The following EYA3 variants were observed in gnomAD, a reference collection of about 807,000 sequenced individuals.
The protein encoded by EYA3 is EYA transcriptional coactivator and phosphatase 3, also known as protein phosphatase EYA3.
A neutral mutation model predicts 80.0 loss-of-function variants in EYA3; 39 were observed. The ratio of observed to expected loss-of-function variants is 0.49; its 90% CI spans 0.38 to 0.64. The LOEUF is 0.64. Ranked by LOEUF, EYA3 falls within the 30% of genes least tolerant of loss-of-function variation. The pLI is 0.00. For synonymous variants in EYA3, 206 were observed against 232.8 expected, an observed-to-expected ratio of 0.88 and a Z score of 1.05; for missense variants, 523 against 676.1, an observed-to-expected ratio of 0.77 and a Z score of 2.51.
At position 27,971,726 on chromosome 1, in the gene EYA3, A is replaced by G. The variant is rs1446049758; in HGVS notation, c.*2740T>C. ...TCTCCCCCTTGATGAATGGACCCAC[A>G]GTGTCCTTTGGTCCTCAGCTTCTAA... On this transcript the variant is annotated 3_prime_UTR_variant, in exon 18 of 18. Coordinates refer to ENST00000373871, the MANE Select transcript of EYA3 (RefSeq NM_001990.4). 6.6e-6 allele frequency: 1 copy of G among 152,010 alleles called. No homozygotes were observed. The highest frequency in any genetic ancestry group is 1.5e-5 in the Non-Finnish European group (1 of 68,026). The allele number at this position is 152,010 out of a possible 1,614,324, so 9.4% of individuals were successfully genotyped here.
intron 7 of EYA3, among the ~76,000 whole-genome samples, chr1:28,023,030 A>G (rs1355688314): frequency 1.3e-5 from 2 of 151,174 alleles, no homozygotes; most frequent in Non-Finnish European, 2.9e-5. Context: ...TAAGTAATAT[A>G]CAAGATGAGC....
rs767484692 is a variant in EYA3, at chr1:27,978,399, C to T, written c.1616G>A (p.Arg539Gln). The T allele has an allele frequency of 4.3e-6, 7 of 1,614,002 alleles. No individual in the cohort carries two copies. The highest frequency in any genetic ancestry group is 5.9e-6 in the Non-Finnish European group (7 of 1,179,914). The change falls in exon 17 of 18, where the codon CGA becomes CAA. Residue 539 changes from arginine to glutamine, a missense_variant. Arg to Gln is a conservative substitution (Grantham distance 43). Coordinates refer to ENST00000373871, the MANE Select transcript of EYA3 (RefSeq NM_001990.4). ...KVTYVVIGDG[R>Q]DEEIAAKQHN... ...CTGTTTGGCTGCAATTTCTTCATCT[C>T]GTCCATCTCCAATCACTACATATGT...
At chr1:27,989,557 C>A in intron 15 of EYA3, 140 bp downstream of exon 15, 1 of 455,180 alleles carries the variant, frequency 2.2e-6, no homozygotes, top group Non-Finnish European at 4.0e-6. Flanking sequence ...TGCTTCTCAC[C>A]TAACACAAAT....
intron 1 of EYA3, among the ~76,000 whole-genome samples, chr1:28,065,113 T>C (rs893447069): frequency 6.6e-6 from 1 of 152,216 alleles, no homozygotes; most frequent in African/African-American, 2.4e-5. Flanking sequence ...ATATAGACTG[T>C]CTTTTTTCCT....
At chr1:28,012,241 A>C (rs530994956) in intron 9 of EYA3, among the ~76,000 whole-genome samples, 5 of 152,352 alleles carry the variant, frequency 3.3e-5, no homozygotes, top group Non-Finnish European at 2.9e-5. Context: ...ACTTTTCTCT[A>C]TGTTTGAAAT....
At chr1:28,061,590 T>C (rs1644626509) in intron 1 of EYA3, among the ~76,000 whole-genome samples, 1 of 137,890 alleles carries the variant, frequency 7.3e-6, no homozygotes, top group Admixed American at 7.2e-5. Flanking sequence ...GAATTTAACG[T>C]GTTTTTTTTT....
rs1054045799 is a variant in EYA3, at chr1:27,983,431, T to C, written c.1541-4957A>G. 1.1e-4 allele frequency among the ~76,000 whole-genome samples: 16 copies of C among 152,328 alleles called. 1 individual carries two copies. The highest frequency in any genetic ancestry group is 4.1e-4 in the South Asian group (2 of 4,832). The stretch of plus-strand genomic sequence containing the variant: ...CAGAGGCAGAGTTCCCATTACATTG[T>C]TAGATTTAAGTTTTTGTCTATCTGA... On this transcript the variant is annotated intron_variant, in intron 16 of 17. Coordinates refer to ENST00000373871, the MANE Select transcript of EYA3 (RefSeq NM_001990.4).
In EYA3 at chr1:28,060,929, G is replaced by A. The variant is rs550179979; in HGVS notation, c.-68-2835C>T. Among the ~76,000 whole-genome samples the A allele has an allele frequency of 4.5e-3, 687 of 152,276 alleles. 2 individuals are homozygous for A. Among genetic ancestry groups the A allele is most frequent in the Non-Finnish European group, 8.1e-3 (549 of 68,000 alleles). ...CTTGGGAGGCTGAGGCAAGAGAATCGCGTGAACCTGGGAGGCGGAGGTTTC... is the reference window on the plus strand; with the variant it reads ...CTTGGGAGGCTGAGGCAAGAGAATCACGTGAACCTGGGAGGCGGAGGTTTC... On this transcript the variant is annotated intron_variant, in intron 1 of 17. Transcript: ENST00000373871.
chr1:27,986,000 GTTTA>G (rs1440893145), intron 16 of EYA3, among the ~76,000 whole-genome samples: 8 of 151,794 alleles, frequency 5.3e-5, no homozygotes, highest in African/African-American at 1.9e-4. Context: ...TGTCCTTGAT[GTTTA>G]TTTTCTTTTT....
At chr1:27,990,848 GC>G (rs1640007623) in intron 14 of EYA3, among the ~76,000 whole-genome samples, 1 of 150,952 alleles carries the variant, frequency 6.6e-6, no homozygotes, top group Non-Finnish European at 1.5e-5. Context: ...ACCGTGCCTG[GC>G]ATTTTTTTTT....
chr1:28,032,595 A>T (rs773449440), intron 6 of EYA3, among the ~76,000 whole-genome samples: 2 of 152,186 alleles, frequency 1.3e-5, no homozygotes, highest in Non-Finnish European at 1.5e-5. Context: ...GGCATATTTT[A>T]TAACTCCCAC....
chr1:28,046,631 A>G (rs1335939834), intron 3 of EYA3, among the ~76,000 whole-genome samples: 1 of 152,154 alleles, frequency 6.6e-6, no homozygotes, highest in African/African-American at 2.4e-5. Context: ...TTTAGATCTT[A>G]TCATGAATAG....
intron 1 of EYA3, among the ~76,000 whole-genome samples, chr1:28,074,732 C>G (rs559096823): frequency 3.9e-5 from 6 of 152,188 alleles, no homozygotes; most frequent in African/African-American, 1.4e-4. Flanking sequence ...ATGTGTGGAC[C>G]ATACTTAAGT....
At chr1:28,033,657 A>G in intron 6 of EYA3, among the ~76,000 whole-genome samples, 1 of 125,864 alleles carries the variant, frequency 7.9e-6, no homozygotes, top group East Asian at 2.4e-4. Flanking sequence ...TATTATTATT[A>G]TTATTATTAT....
chr1:28,013,506 G>A lies in EYA3; in HGVS notation c.586-212C>T, dbSNP rs890548674. ...TAAGTCAAGAGATGTCCCAGGAGCAGTCTTGGAATGAGGAAATGCTGAGAG... is the reference window on the plus strand; with the variant it reads ...TAAGTCAAGAGATGTCCCAGGAGCAATCTTGGAATGAGGAAATGCTGAGAG... On this transcript the variant is annotated intron_variant, in intron 8 of 17. Transcript: ENST00000373871. This position sits in a 1 kb window ranked among gnomAD's most constrained non-coding sequence, Gnocchi z 4.0. 3.3e-5 allele frequency among the ~76,000 whole-genome samples: 5 copies of A among 152,164 alleles called. 1 individual carries two copies. The highest frequency in any genetic ancestry group is 1.9e-4 in the East Asian group (1 of 5,202).
intron 7 of EYA3, among the ~76,000 whole-genome samples, chr1:28,023,995 T>G (rs1334577610): frequency 2.6e-5 from 4 of 152,132 alleles, no homozygotes; most frequent in Admixed American, 6.5e-5. Flanking sequence ...TCTCAACAGT[T>G]TGGGAAGCCG....
At chr1:28,006,205 G>A (rs539140130) in intron 10 of EYA3, among the ~76,000 whole-genome samples, 13 of 151,876 alleles carry the variant, frequency 8.6e-5, no homozygotes, top group African/African-American at 1.5e-4. Context: ...TTAATTAGGA[G>A]TGCAAAAGGC....
intron 17 of EYA3, among the ~76,000 whole-genome samples, chr1:27,975,049 T>G (rs1018859117): frequency 6.6e-6 from 1 of 152,238 alleles, no homozygotes; most frequent in African/African-American, 2.4e-5. Context: ...CTTGTAAGTT[T>G]CAGAACTGCA....
chr1:28,063,080 A>C (rs1644695193), intron 1 of EYA3, among the ~76,000 whole-genome samples: 1 of 151,546 alleles, frequency 6.6e-6, no homozygotes, highest in Non-Finnish European at 1.5e-5. Flanking sequence ...TATCACTCTT[A>C]ATTACAACTT....
Sources: allele counts gnomAD v4.1 joint callset (sites outside exome capture counted in the v4.1 genomes callset), GRCh38; gene constraint gnomAD v4.1.1; non-coding constraint Gnocchi (gnomAD v3.1); transcripts MANE v1.5; gene names NCBI Gene and HGNC (gene_info 2026-07-23, HGNC 2026-07-21).